The following DMD variants were observed in gnomAD, a reference collection of about 807,000 sequenced individuals.
DMD encodes dystrophin, also known as mutant dystrophin.
A neutral mutation model predicts 330.1 loss-of-function variants in DMD; 63 were observed. The observed-to-expected ratio is 0.19, with a 90% CI of 0.16 to 0.24. DMD has a LOEUF of 0.24. Among genes scored for constraint, DMD ranks in the 10% least tolerant of loss-of-function variants. The pLI is 1.00. For synonymous variants in DMD, 1,223 were observed against 959.8 expected (o/e 1.27, Z -5.07); for missense variants, 3,344 against 2,684.1 (o/e 1.25, Z -5.43).
intron 57 of DMD, among the ~76,000 whole-genome samples, chrX:31,482,058 G>A (rs953566582): frequency 9.0e-6 from 1 of 111,140 alleles, no homozygotes; most frequent in Admixed American, 9.6e-5. Flanking sequence ...TTTCATCAGC[G>A]TTCATCATGT....
chrX:32,406,107 G>C (rs1468897257), intron 30 of DMD, among the ~76,000 whole-genome samples: 5 of 111,688 alleles, frequency 4.5e-5, no homozygotes, highest in African/African-American at 1.6e-4. Flanking sequence ...GATTTTGCAT[G>C]CTGAGACTTT....
chrX:32,711,092 A>C (rs185906818), intron 7 of DMD, among the ~76,000 whole-genome samples: 81 of 111,954 alleles, frequency 7.2e-4, no homozygotes, highest in African/African-American at 2.4e-3. Context: ...TTTGCGTAGA[A>C]TCTTACTGCT....
intron 68 of DMD, among the ~76,000 whole-genome samples, chrX:31,182,522 TG>T (rs1053179641): frequency 2.7e-5 from 3 of 110,843 alleles, no homozygotes; most frequent in South Asian, 7.7e-4. Flanking sequence ...AGAGTGAAGG[TG>T]GTAAGGGACA....
intron 43 of DMD, among the ~76,000 whole-genome samples, chrX:32,239,589 G>A (rs2168566): frequency 0.09 from 10,046 of 111,235 alleles, 483 homozygotes; most frequent in Admixed American, 0.14. Flanking sequence ...TCTTCTATGG[G>A]TTTGGACAAA....
At chrX:31,542,918 T>G (rs762606064) in intron 55 of DMD, among the ~76,000 whole-genome samples, 1 of 112,489 alleles carries the variant, frequency 8.9e-6, no homozygotes, top group Admixed American at 9.4e-5. Flanking sequence ...AACCTTTCTC[T>G]GCTTCTTTTT....
chrX:31,198,079 T>C (rs1002503653), intron 67 of DMD, among the ~76,000 whole-genome samples: 2 of 103,768 alleles, frequency 1.9e-5, no homozygotes, highest in Non-Finnish European at 3.9e-5. Flanking sequence ...AAATCATGAC[T>C]ACCAGAGTCT....
chrX:31,219,176 A>G (rs1398022389), intron 64 of DMD, among the ~76,000 whole-genome samples: 1 of 111,410 alleles, frequency 9.0e-6, no homozygotes, highest in African/African-American at 3.3e-5. Flanking sequence ...ACCAGTTTCC[A>G]TATGCGTTCA....
intron 1 of DMD, among the ~76,000 whole-genome samples, chrX:33,238,523 A>G (rs1026533414): frequency 9.0e-6 from 1 of 110,709 alleles, no homozygotes; most frequent in African/African-American, 3.3e-5. Context: ...TGTGTGTGTT[A>G]ATGTGTGTGT....
intron 51 of DMD, among the ~76,000 whole-genome samples, chrX:31,762,762 C>CG (rs1013620131): frequency 4.6e-5 from 5 of 109,601 alleles, no homozygotes; most frequent in African/African-American, 1.3e-4. Context: ...AATGCTGTCA[C>CG]GCATAGCTAA....
intron 4 of DMD, among the ~76,000 whole-genome samples, chrX:32,826,012 C>G (rs1350068189): frequency 9.0e-6 from 1 of 110,766 alleles, no homozygotes; most frequent in Non-Finnish European, 1.9e-5. Flanking sequence ...AAAATGATAC[C>G]TCAAACCCTA....
At chrX:32,866,514 A>C (rs1403576713) in intron 2 of DMD, among the ~76,000 whole-genome samples, 1 of 110,921 alleles carries the variant, frequency 9.0e-6, no homozygotes, top group East Asian at 2.9e-4. Flanking sequence ...GCTAGAAATT[A>C]TTTTACTGCT....
At position 32,258,652 on chromosome X, in the gene DMD, G is replaced by A. The variant is rs770477923; in HGVS notation, c.6290+28877C>T. Among the ~76,000 whole-genome samples, 19 of 109,675 alleles carry A rather than the reference G, an allele frequency of 1.7e-4. No homozygotes were observed. The South Asian group carries it at 4.1e-3, about 24-fold the overall frequency. On this transcript the variant is annotated intron_variant, in intron 43 of 78. Coordinates refer to ENST00000357033, the MANE Select transcript of DMD (RefSeq NM_004006.3). ...CACAGGGCGGGGAACATCACACACCGGGGCCTCTCAGGGGATGGGGGGTTA... is the reference window on the plus strand; with the variant it reads ...CACAGGGCGGGGAACATCACACACCAGGGCCTCTCAGGGGATGGGGGGTTA...
chrX:31,239,715 C>A (rs369329674), intron 63 of DMD, among the ~76,000 whole-genome samples: 1 of 111,919 alleles, frequency 8.9e-6, no homozygotes, highest in Non-Finnish European at 1.9e-5. Context: ...GTCTAATTTT[C>A]CCCTGTTAAG....
intron 4 of DMD, among the ~76,000 whole-genome samples, chrX:32,835,324 A>G (rs1425299833): frequency 2.7e-5 from 3 of 112,204 alleles, no homozygotes; most frequent in Non-Finnish European, 5.6e-5. Flanking sequence ...TGTAAATAAA[A>G]AGAAGCTGTG....
intron 2 of DMD, among the ~76,000 whole-genome samples, chrX:32,998,374 A>C (rs1413411441): frequency 3.2e-4 from 30 of 93,035 alleles, no homozygotes; most frequent in Non-Finnish European, 5.0e-4. Context: ...GTGTCAAAAA[A>C]AAAAAAAAAA....
chrX:32,777,365 T>A (rs2148508627), intron 7 of DMD, among the ~76,000 whole-genome samples: 1 of 104,447 alleles, frequency 9.6e-6, no homozygotes, highest in South Asian at 4.6e-4. Flanking sequence ...TAAATAATAA[T>A]GGCAGTTATT....
chrX:32,597,140 C>G (rs750188313), intron 12 of DMD, among the ~76,000 whole-genome samples: 1 of 111,734 alleles, frequency 8.9e-6, no homozygotes, highest in East Asian at 2.8e-4. Flanking sequence ...TAAATCATTT[C>G]TTTATCATTC....
intron 9 of DMD, among the ~76,000 whole-genome samples, chrX:32,663,936 G>C (rs759800014): frequency 9.0e-6 from 1 of 111,592 alleles, no homozygotes; most frequent in South Asian, 3.8e-4. Context: ...AGCCAGAGAA[G>C]AAACATAGAG....
chrX:31,870,249 A>T (rs943204080), intron 48 of DMD, among the ~76,000 whole-genome samples: 5 of 111,811 alleles, frequency 4.5e-5, no homozygotes, highest in African/African-American at 1.6e-4. Flanking sequence ...AAAACTTTAT[A>T]TATTATTTCT....
Sources: allele counts gnomAD v4.1 joint callset (sites outside exome capture counted in the v4.1 genomes callset), GRCh38; gene constraint gnomAD v4.1.1; transcripts MANE v1.5; gene names NCBI Gene and HGNC (gene_info 2026-07-23, HGNC 2026-07-21).